Variants in ETF1 observed in about 807,000 individuals in gnomAD.
ETF1 encodes eukaryotic translation termination factor 1, also known as eukaryotic peptide chain release factor subunit 1.
A neutral mutation model predicts 55.1 loss-of-function variants in ETF1; 4 were observed. The observed-to-expected ratio is 0.07, with a 90% confidence interval of 0.04 to 0.17. The LOEUF is 0.17. Ranked by LOEUF, ETF1 falls within the 10% of genes least tolerant of loss-of-function variation. The probability of loss-of-function intolerance (pLI) is 1.00; values close to 1 mark genes in which losing one functional copy is unlikely to be tolerated. For missense variants in ETF1, 142 were observed against 523.6 expected, an observed-to-expected ratio of 0.27 and a Z score of 7.11; for synonymous variants, 157 against 182.3, an observed-to-expected ratio of 0.86 and a Z score of 1.12.
intron 2 of ETF1, among the ~76,000 whole-genome samples, chr5:138,525,854 G>A (rs1765447263): frequency 6.6e-6 from 1 of 150,438 alleles, no homozygotes; most frequent in Non-Finnish European, 1.5e-5. Flanking sequence ...GCTGAGGCAG[G>A]AGAATCGCTT....
Position 138,543,167 on chromosome 5 carries a change from A to T in ETF1, c.-89T>A. 1 of 572,362 alleles carries T rather than the reference A, an allele frequency of 1.7e-6. No homozygotes were observed. The highest frequency in any genetic ancestry group is 3.1e-6 in the Non-Finnish European group (1 of 324,766). The allele number at this position is 572,362 out of a possible 1,614,324, so 35.5% of individuals were successfully genotyped here. A position where few individuals can be genotyped will look rare whatever the true frequency, so the allele number is the denominator to read the frequency against. ...CGGCTCCGCGGCGGCGGCGGCTCTG[A>T]CGTAGGACACCGGCTCCCTCTCTCC... is the stretch of plus-strand genomic sequence containing the variant. On this transcript the variant is annotated 5_prime_UTR_variant, in exon 1 of 11. Transcript: ENST00000360541.
intron 4 of ETF1, among the ~76,000 whole-genome samples, chr5:138,515,937 T>G (rs184290799): frequency 6.6e-6 from 1 of 152,354 alleles, no homozygotes; most frequent in Admixed American, 6.5e-5. Flanking sequence ...AATCATCCAC[T>G]GTAAACTGTC....
chr5:138,519,711 T>G (rs1765160392), intron 2 of ETF1, among the ~76,000 whole-genome samples: 1 of 151,826 alleles, frequency 6.6e-6, no homozygotes, highest in African/African-American at 2.4e-5. Context: ...TCTCTTTAAA[T>G]GGCAACATAT....
intron 2 of ETF1, among the ~76,000 whole-genome samples, chr5:138,535,265 A>AAAG (rs529381328): frequency 6.6e-6 from 1 of 151,832 alleles, no homozygotes; most frequent in African/African-American, 2.4e-5. Context: ...TACCTTTTTT[A>AAAG]AAGAAGAAGA....
At chr5:138,526,006 C>T (rs1435178361) in intron 2 of ETF1, among the ~76,000 whole-genome samples, 1 of 150,762 alleles carries the variant, frequency 6.6e-6, no homozygotes, top group African/African-American at 2.4e-5. Flanking sequence ...TGATATTTCA[C>T]GAGACTGTAA....
At chr5:138,536,007 G>A (rs1322510762) in intron 2 of ETF1, among the ~76,000 whole-genome samples, 1 of 150,206 alleles carries the variant, frequency 6.7e-6, no homozygotes, top group Admixed American at 6.6e-5. Context: ...CCATGGTTGT[G>A]TGGCAGATCA....
intron 4 of ETF1, among the ~76,000 whole-genome samples, chr5:138,516,261 T>C (rs1765013905): frequency 6.6e-6 from 1 of 152,160 alleles, no homozygotes; most frequent in African/African-American, 2.4e-5. Context: ...GGATATACGC[T>C]TGAGGAAATG....
chr5:138,519,515 T>C (rs1765149891), intron 2 of ETF1, among the ~76,000 whole-genome samples: 1 of 151,354 alleles, frequency 6.6e-6, no homozygotes, highest in South Asian at 2.1e-4. Context: ...AAAAAAAAAT[T>C]CGCTGGGCAT....
rs1455074941 is a variant in ETF1 at position 138,543,176 on chromosome 5, A to G, written c.-98T>C. 1 of 567,092 alleles carries G rather than the reference A, an allele frequency of 1.8e-6. No individual in the cohort carries two copies. Among genetic ancestry groups the G allele is most frequent in the Non-Finnish European group, 3.1e-6 (1 of 321,378 alleles). The allele number at this position is 567,092 out of a possible 1,614,324, so 35.1% of individuals were successfully genotyped here. A position where few individuals can be genotyped will look rare whatever the true frequency, so the allele number is the denominator to read the frequency against. ...GGCGGCGGCGGCTCTGACGTAGGAC[A>G]CCGGCTCCCTCTCTCCAGGCAGCTG... is the stretch of plus-strand genomic sequence containing the variant. On this transcript the variant is annotated 5_prime_UTR_variant, in exon 1 of 11. Coordinates refer to ENST00000360541, the MANE Select transcript of ETF1 (RefSeq NM_004730.4).
At chr5:138,520,293 TGA>T (rs1765180704) in intron 2 of ETF1, among the ~76,000 whole-genome samples, 1 of 151,546 alleles carries the variant, frequency 6.6e-6, no homozygotes, top group African/African-American at 2.4e-5. Context: ...AGAATGATTC[TGA>T]GAGACCCTTA....
In ETF1 at chr5:138,514,697, C is replaced by T. The variant is rs78706916; in HGVS notation, c.403-991G>A. Among the ~76,000 whole-genome samples the T allele has an allele frequency of 3.1e-3, 472 of 151,522 alleles. 17 individuals carry two copies. In the East Asian group the frequency reaches 0.077, roughly 25 times the overall value. On this transcript the variant is annotated intron_variant, in intron 4 of 10. Transcript: ENST00000360541. ...CTTCTGCCTTAGCCTCCCAAAGTGC[C>T]GGGGTTACAGGCATGAGCCAGCATG...
At chr5:138,511,694 T>C in intron 6 of ETF1, 90 bp from the exon 7 acceptor site, 12 of 1,452,864 alleles carry the variant, frequency 8.3e-6, no homozygotes, top group Non-Finnish European at 1.0e-5. Flanking sequence ...TAACTCTTAA[T>C]GGTATGCAAA....
chr5:138,508,893 T>TG, intron 9 of ETF1, 77 bp from the exon 10 acceptor site: 1 of 1,544,312 alleles, frequency 6.5e-7, no homozygotes, highest in East Asian at 2.3e-5. Flanking sequence ...CACAGCCCCT[T>TG]GCCCACCTAT....
At chr5:138,520,892 T>C (rs1003574449) in intron 2 of ETF1, among the ~76,000 whole-genome samples, 2 of 152,054 alleles carry the variant, frequency 1.3e-5, no homozygotes, top group African/African-American at 4.8e-5. Context: ...CCAGTGGGAA[T>C]ATAAAATGGT....
intron 3 of ETF1, chr5:138,517,935 C>T (rs1433327973): frequency 1.2e-5 from 12 of 973,716 alleles, no homozygotes; most frequent in Non-Finnish European, 1.5e-5. Flanking sequence ...GTGGTGGTGG[C>T]TCACGCCTGT....
intron 5 of ETF1, 200 bp from the exon 6 acceptor site, chr5:138,513,154 G>C: frequency 1.0e-6 from 1 of 985,294 alleles, no homozygotes; most frequent in Non-Finnish European, 1.2e-6. Flanking sequence ...GGAGCTGTAA[G>C]TACCAATGAG....
chr5:138,518,404 T>C (rs1161002890), intron 3 of ETF1, among the ~76,000 whole-genome samples: 4 of 151,466 alleles, frequency 2.6e-5, no homozygotes, highest in Non-Finnish European at 5.9e-5. Context: ...AGAGACAGGG[T>C]TTCACACCAT....
chr5:138,514,326 GGC>G (rs1439014174), intron 4 of ETF1, among the ~76,000 whole-genome samples: 2 of 152,194 alleles, frequency 1.3e-5, no homozygotes, highest in Non-Finnish European at 2.9e-5. Context: ...GGCTGTGGCA[GGC>G]AGATGGCTTG....
intron 2 of ETF1, among the ~76,000 whole-genome samples, chr5:138,539,900 A>C (rs961078515): frequency 3.3e-5 from 5 of 152,220 alleles, no homozygotes; most frequent in Admixed American, 6.5e-5. Flanking sequence ...TGGACAAATT[A>C]TCTCTTAGCC....
Sources: allele counts gnomAD v4.1 joint callset (sites outside exome capture counted in the v4.1 genomes callset), GRCh38; gene constraint gnomAD v4.1.1; transcripts MANE v1.5; gene names NCBI Gene and HGNC (gene_info 2026-07-23, HGNC 2026-07-21).